GPM6B: variants seen among roughly 807,000 people sequenced by gnomAD.
The protein encoded by GPM6B is neuronal membrane glycoprotein M6-b.
Under a neutral mutation model 27.2 loss-of-function variants are expected in GPM6B, and 4 were observed. That is an observed-to-expected ratio of 0.15 (90% CI 0.07 to 0.34). GPM6B has a LOEUF of 0.34. Among genes scored for constraint, GPM6B ranks in the 10% least tolerant of loss-of-function variants. The pLI is 1.00. For missense variants in GPM6B, 183 were observed against 261.9 expected (o/e 0.70, Z 2.08); for synonymous variants, 124 against 103.1 (o/e 1.20, Z -1.23).
chrX:13,807,598 T>C (rs1337101596), intron 2 of GPM6B, 52 bp downstream of exon 2: 1 of 992,087 alleles, frequency 1.0e-6, no homozygotes, highest in Non-Finnish European at 1.4e-6. Context: ...ACAAATAATA[T>C]TAAAGATAAC....
At chrX:13,858,182 A>G (rs2049803107) in intron 1 of GPM6B, among the ~76,000 whole-genome samples, 2 of 111,940 alleles carry the variant, frequency 1.8e-5, no homozygotes, top group African/African-American at 6.5e-5. Flanking sequence ...AACAACAACA[A>G]AAATCCTACT....
At position 13,857,481 on chromosome X, in the gene GPM6B, A is replaced by C. The variant is rs1226271700; in HGVS notation, c.-197-71673T>G. 2.7e-5 allele frequency among the ~76,000 whole-genome samples: 3 copies of C among 112,356 alleles called. No individual in the cohort carries two copies. The South Asian group carries it at 1.1e-3, about 42-fold the overall frequency. ...CCTGGTTTTAAGCCCACAAGGTCTGAATTTTCTTTCCTCTTAGAATCATAG... is the reference window on the plus strand; with the variant it reads ...CCTGGTTTTAAGCCCACAAGGTCTGCATTTTCTTTCCTCTTAGAATCATAG... On this transcript the variant is annotated intron_variant, in intron 1 of 6. Transcript: ENST00000398361.
rs188446196 is a variant in GPM6B at position 13,851,792 on chromosome X, T to C, written c.-197-65984A>G. 9.4e-3 allele frequency among the ~76,000 whole-genome samples: 1,044 copies of C among 111,240 alleles called. 9 individuals are homozygous for C. The highest frequency in any genetic ancestry group is 0.042 in the Middle Eastern group (9 of 215). Reference sequence around the variant, plus strand: ...AGGGTATCATTGCCAGGAAGGTAGATTGTCTCAGAGGCACCACACTTTAGA... The same window carrying C: ...AGGGTATCATTGCCAGGAAGGTAGACTGTCTCAGAGGCACCACACTTTAGA... On this transcript the variant is annotated intron_variant, in intron 1 of 6. Coordinates refer to the GPM6B transcript ENST00000398361.
intron 1 of GPM6B, among the ~76,000 whole-genome samples, chrX:13,897,628 T>C (rs2050245269): frequency 8.9e-6 from 1 of 112,309 alleles, no homozygotes; most frequent in Admixed American, 9.4e-5. Flanking sequence ...CAGTGAATTC[T>C]TGATTATTTC....
chrX:13,877,294 C>T (rs1165173857), intron 1 of GPM6B, among the ~76,000 whole-genome samples: 1 of 111,322 alleles, frequency 9.0e-6, no homozygotes, highest in Non-Finnish European at 1.9e-5. Flanking sequence ...TATGTTCCAC[C>T]AAAAGGTGTG....
chrX:13,786,119 G>C (rs959895407), intron 2 of GPM6B, among the ~76,000 whole-genome samples: 1 of 112,599 alleles, frequency 8.9e-6, no homozygotes, highest in Non-Finnish European at 1.9e-5. Context: ...CTTCCTGATC[G>C]ACTGAGTGGT....
chrX:13,809,868 T>C (rs973092355), intron 1 of GPM6B, among the ~76,000 whole-genome samples: 1 of 88,581 alleles, frequency 1.1e-5, no homozygotes, highest in African/African-American at 4.6e-5. Flanking sequence ...ACCCAGGAGA[T>C]GGAGGTTGCA....
chrX:13,852,567 G>A (rs2049730444), intron 1 of GPM6B, among the ~76,000 whole-genome samples: 1 of 110,875 alleles, frequency 9.0e-6, no homozygotes, highest in Non-Finnish European at 1.9e-5. Context: ...CACAGTACTA[G>A]ACTTAACTGT....
Position 13,885,044 on chromosome X carries a change from T to C in GPM6B, c.-198+53283A>G, listed in dbSNP as rs1337759278. 3.6e-5 allele frequency among the ~76,000 whole-genome samples: 4 copies of C among 111,801 alleles called. No individual in the cohort carries two copies. In the Admixed American group the frequency reaches 3.8e-4, roughly 11 times the overall value. The stretch of plus-strand genomic sequence containing the variant: ...TATATATTCTTCATATGTCACCTCA[T>C]CGAGGGAGACATCCAGTAATTTCTT... On this transcript the variant is annotated intron_variant, in intron 1 of 6. Transcript: ENST00000398361.
chrX:13,774,609 C>T (rs2048374196), intron 7 of GPM6B: 1 of 1,205,716 alleles, frequency 8.3e-7, no homozygotes, highest in Non-Finnish European at 1.1e-6. Flanking sequence ...TATGTAGTAG[C>T]CATCATGTAG....
At position 13,773,045 on chromosome X, in the gene GPM6B, T is replaced by G. The variant is rs773554903; in HGVS notation, c.838-15A>C. ...AGGAAGTGGATCTGGAAGAGAAGGG[T>G]GAGCATGATGGCTAGTGAGCATTGT... On this transcript the variant is annotated splice_polypyrimidine_tract_variant and intron_variant, in intron 7 of 7. Coordinates refer to ENST00000316715, the MANE Select transcript of GPM6B (RefSeq NM_001001995.3). 2 of 1,201,913 alleles carry G rather than the reference T, an allele frequency of 1.7e-6. No individual in the cohort carries two copies. The highest frequency in any genetic ancestry group is 4.4e-5 in the Admixed American group (2 of 45,835).
chrX:13,774,343 G>T (rs750279994), intron 7 of GPM6B: 1 of 995,548 alleles, frequency 1.0e-6, no homozygotes, highest in Non-Finnish European at 1.3e-6. Context: ...TTTTCAAAAT[G>T]TGGAAATAGC....
At chrX:13,774,410 A>G (rs1237789887) in intron 7 of GPM6B, 1 of 1,103,506 alleles carries the variant, frequency 9.1e-7, no homozygotes, top group Non-Finnish European at 1.2e-6. Context: ...TTAATCTACC[A>G]TGCAAGGTGA....
At chrX:13,821,780 A>G (rs1304736483), upstream of GPM6B, among the ~76,000 whole-genome samples, 1 of 110,493 alleles carries the variant, frequency 9.1e-6, no homozygotes, top group East Asian at 2.8e-4. Context: ...CTTTTAGTAG[A>G]GACGGCGTTT....
intron 2 of GPM6B, among the ~76,000 whole-genome samples, chrX:13,805,728 C>T (rs1308735413): frequency 1.8e-5 from 2 of 111,814 alleles, no homozygotes; most frequent in Non-Finnish European, 3.8e-5. Context: ...CTTTTATTCC[C>T]CCCCAATAAG....
chrX:13,899,847 A>G (rs1359212271), intron 1 of GPM6B, among the ~76,000 whole-genome samples: 1 of 112,246 alleles, frequency 8.9e-6, no homozygotes, highest in East Asian at 2.8e-4. Flanking sequence ...GGCATCCAAC[A>G]GGACCTGGCA....
intron 1 of GPM6B, among the ~76,000 whole-genome samples, chrX:13,844,721 A>G (rs1442202655): frequency 1.8e-5 from 2 of 112,051 alleles, no homozygotes; most frequent in African/African-American, 6.5e-5. Flanking sequence ...GGTATGGACC[A>G]CAGCATTTTC....
chrX:13,913,820 C>T (rs577962353), intron 1 of GPM6B, among the ~76,000 whole-genome samples: 4 of 111,536 alleles, frequency 3.6e-5, no homozygotes, highest in South Asian at 7.6e-4. Context: ...GGCATGAACA[C>T]GGCTCTCCAC....
intron 1 of GPM6B, among the ~76,000 whole-genome samples, chrX:13,913,183 T>TTTG (rs2050394209): frequency 9.0e-6 from 1 of 111,723 alleles, no homozygotes; most frequent in Non-Finnish European, 1.9e-5. Flanking sequence ...AGGATCTCAC[T>TTTG]TTGTTGCCCA....
Sources: allele counts gnomAD v4.1 joint callset (sites outside exome capture counted in the v4.1 genomes callset), GRCh38; gene constraint gnomAD v4.1.1; transcripts MANE v1.5; gene names NCBI Gene and HGNC (gene_info 2026-07-23, HGNC 2026-07-21).